The following PCDHGA8 variants were observed in gnomAD, a reference collection of about 807,000 sequenced individuals.
The protein encoded by PCDHGA8 is protocadherin gamma subfamily A, 8.
PCDHGA8 carries 45 observed loss-of-function variants against 59.2 expected under a neutral mutation model. The ratio of observed to expected loss-of-function variants is 0.76; its 90% CI spans 0.60 to 0.98. The LOEUF (loss-of-function observed/expected upper bound fraction) is 0.98, where lower values mean the gene tolerates loss of function less well. Ranked by LOEUF, PCDHGA8 falls within the 50% of genes least tolerant of loss-of-function variation. PCDHGA8 has a pLI of 0.00. For missense variants in PCDHGA8, 1,257 were observed against 1,196.2 expected (o/e 1.05, Z -0.75); for synonymous variants, 531 against 519.0 (o/e 1.02, Z -0.32).
chr5:141,439,066 G>A (rs1004595196), intron 1 of PCDHGA8, among the ~76,000 whole-genome samples: 2 of 151,258 alleles, frequency 1.3e-5, no homozygotes, highest in African/African-American at 2.4e-5. Context: ...TGTGGCAGGC[G>A]CCTGTAATCC....
At position 141,477,115 on chromosome 5, in the gene PCDHGA8, A is replaced by G. The variant is rs1218111107; in HGVS notation, c.2425-17692A>G. ...AAGACAAGGGCGCCAATCCCGAAGG[A>G]GCACATTGCAAAGTGTTGGTGGAGG... On this transcript the variant is annotated intron_variant, in intron 1 of 3. Transcript: ENST00000398604. This position sits in a 1 kb window ranked among gnomAD's most constrained non-coding sequence, Gnocchi z 4.9. 1 of 1,614,230 alleles carries G rather than the reference A, an allele frequency of 6.2e-7. No homozygotes were observed. Among genetic ancestry groups the G allele is most frequent in the South Asian group, 1.1e-5 (1 of 91,090 alleles).
At chr5:141,419,297 G>A (rs1460451634) in intron 1 of PCDHGA8, 1 of 1,614,048 alleles carries the variant, frequency 6.2e-7, no homozygotes, top group Admixed American at 1.7e-5. Context: ...CTCTGACCCA[G>A]ACTTCGGGCT....
intron 1 of PCDHGA8, among the ~76,000 whole-genome samples, chr5:141,444,838 T>G (rs2098448876): frequency 6.6e-6 from 1 of 152,214 alleles, no homozygotes; most frequent in African/African-American, 2.4e-5. Context: ...AGCTTTATAG[T>G]AAGTCTTGCT....
intron 1 of PCDHGA8, chr5:141,415,899 G>A (rs1224954481): frequency 1.2e-6 from 1 of 869,552 alleles, no homozygotes; most frequent in Non-Finnish European, 1.6e-6. Flanking sequence ...TCCTAAGACA[G>A]ACTTCCATAC....
rs773944794 is a variant in PCDHGA8 at position 141,477,003 on chromosome 5, C to T, written c.2425-17804C>T. 1.2e-6 allele frequency: 2 copies of T among 1,614,214 alleles called. No homozygotes were observed. The highest frequency in any genetic ancestry group is 8.5e-7 in the Non-Finnish European group (1 of 1,180,040). On this transcript the variant is annotated intron_variant, in intron 1 of 3. Transcript: ENST00000398604. This position sits in a 1 kb window ranked among gnomAD's most constrained non-coding sequence, Gnocchi z 4.9. ...CGCGCCGGCGTGCGGCAACTATTCG[C>T]CTTAGACCTTGTAACCGGGATGCTG...
chr5:141,476,831 G>C lies in PCDHGA8; in HGVS notation c.2425-17976G>C, dbSNP rs779348525. ...TCACATCAAGGTGCTGGACGCGAAT[G>C]ACAATGCGCCTGTCTTCAACCAGTC... On this transcript the variant is annotated intron_variant, in intron 1 of 3. Transcript: ENST00000398604. This position sits in a 1 kb window ranked among gnomAD's most constrained non-coding sequence, Gnocchi z 7.6. 1 of 1,613,504 alleles carries C rather than the reference G, an allele frequency of 6.2e-7. No homozygotes were observed. Among genetic ancestry groups the C allele is most frequent in the Non-Finnish European group, 8.5e-7 (1 of 1,180,050 alleles).
In PCDHGA8 at chr5:141,432,973, G is replaced by T. The variant is rs150572360; in HGVS notation, c.2424+37736G>T. The T allele has an allele frequency of 3.7e-6, 6 of 1,614,096 alleles. 1 individual carries two copies. The highest frequency in any genetic ancestry group is 1.7e-5 in the Admixed American group (1 of 60,014). Reference sequence around the variant, plus strand: ...GCGGCTTGACAGGAGCGCCGGCGTCGCACTTTGTGGGCGTGGACGGGGTGC... The same window carrying T: ...GCGGCTTGACAGGAGCGCCGGCGTCTCACTTTGTGGGCGTGGACGGGGTGC... On this transcript the variant is annotated intron_variant, in intron 1 of 3. Coordinates refer to ENST00000398604, the MANE Select transcript of PCDHGA8 (RefSeq NM_032088.2). This position sits in a 1 kb window ranked among gnomAD's most constrained non-coding sequence, Gnocchi z 6.0.
intron 1 of PCDHGA8, chr5:141,422,532 A>G (rs752364905): frequency 6.2e-7 from 1 of 1,614,030 alleles, no homozygotes; most frequent in South Asian, 1.1e-5. Flanking sequence ...CTTTGTCTGC[A>G]GAAACTCATG....
At chr5:141,461,825 T>C (rs2099024418) in intron 1 of PCDHGA8, among the ~76,000 whole-genome samples, 1 of 151,778 alleles carries the variant, frequency 6.6e-6, no homozygotes, top group African/African-American at 2.4e-5. Context: ...AGCTAATTTT[T>C]TTTTCTTTTT....
At chr5:141,399,641 C>G in intron 1 of PCDHGA8, 1 of 1,613,852 alleles carries the variant, frequency 6.2e-7, no homozygotes, top group Non-Finnish European at 8.5e-7. Context: ...TCCATGAGCG[C>G]GCAAAGTGGG....
At chr5:141,504,696 G>T (rs2099840373) in intron 2 of PCDHGA8, among the ~76,000 whole-genome samples, 1 of 151,438 alleles carries the variant, frequency 6.6e-6, no homozygotes, top group African/African-American at 2.4e-5. Flanking sequence ...GGAGGGGCAG[G>T]TTCTTCTATG....
chr5:141,403,263 T>A, intron 1 of PCDHGA8: 1 of 1,613,872 alleles, frequency 6.2e-7, no homozygotes, highest in East Asian at 2.2e-5. Flanking sequence ...CGGTGTCTGG[T>A]GAACTTTAAA....
At position 141,477,460 on chromosome 5, in the gene PCDHGA8, C is replaced by T; in HGVS notation, c.2425-17347C>T. 6.2e-7 allele frequency: 1 copy of T among 1,614,132 alleles called. No individual in the cohort carries two copies. Among genetic ancestry groups the T allele is most frequent in the Non-Finnish European group, 8.5e-7 (1 of 1,180,020 alleles). On this transcript the variant is annotated intron_variant, in intron 1 of 3. Transcript: ENST00000398604. The surrounding 1 kb of genome is among the most constrained non-coding windows in gnomAD (Gnocchi z 4.9). ...TTACAATAGTGCGTGTTCAAGTGTC[C>T]GACATCAATGACAACCCTCCACAAT...
At chr5:141,510,860 G>A (rs1274817106) in intron 3 of PCDHGA8, 87 bp from the exon 4 acceptor site, 11 of 1,606,558 alleles carry the variant, frequency 6.8e-6, no homozygotes, top group South Asian at 4.4e-5. Context: ...GTGCTGTATA[G>A]GCATTCATTA....
intron 1 of PCDHGA8, among the ~76,000 whole-genome samples, chr5:141,439,631 A>C (rs1459977985): frequency 2.0e-5 from 3 of 152,214 alleles, no homozygotes; most frequent in Non-Finnish European, 2.9e-5. Context: ...ATCCCCAGAC[A>C]TTCCGGCTTG....
rs757410882 is a variant in PCDHGA8 at position 141,421,504 on chromosome 5, C to T, written c.2424+26267C>T. 8 of 1,614,062 alleles carry T rather than the reference C, an allele frequency of 5.0e-6. No homozygotes were observed. The highest frequency in any genetic ancestry group is 3.3e-5 in the South Asian group (3 of 91,088). ...CTTGATCACGGCAGGCAGGATAGACCGGGAGGAGCTCTGTGAGACGGTGTC... is the reference window on the plus strand; with the variant it reads ...CTTGATCACGGCAGGCAGGATAGACTGGGAGGAGCTCTGTGAGACGGTGTC... On this transcript the variant is annotated intron_variant, in intron 1 of 3. Transcript: ENST00000398604.
chr5:141,393,553 A>G lies in PCDHGA8; in HGVS notation c.740A>G (p.Tyr247Cys), dbSNP rs377510269. ...GCCCCGGTTTTTCCTCACCCGATTTACCGAGTGAAAGTCCTTGAGAACATG... is the reference window on the plus strand; with the variant it reads ...GCCCCGGTTTTTCCTCACCCGATTTGCCGAGTGAAAGTCCTTGAGAACATG... ...DNAPVFPHPI[Y>C]RVKVLENMPP... Residue 247 changes from tyrosine to cysteine, a missense_variant, in exon 1 of 4, where the codon TAC (tyrosine) becomes TGC (cysteine). Tyr to Cys is a radical substitution (Grantham distance 194). Coordinates refer to ENST00000398604, the MANE Select transcript of PCDHGA8 (RefSeq NM_032088.2). The G allele has an allele frequency of 1.2e-6, 2 of 1,613,810 alleles. No individual in the cohort carries two copies. The highest frequency in any genetic ancestry group is 2.7e-5 in the African/African-American group (2 of 74,920).
At chr5:141,428,187 C>G in intron 1 of PCDHGA8, 3 of 1,439,502 alleles carry the variant, frequency 2.1e-6, no homozygotes, top group South Asian at 1.2e-5. Flanking sequence ...GGACAGCCGC[C>G]GCTCTCTGCG....
intron 1 of PCDHGA8, among the ~76,000 whole-genome samples, chr5:141,430,322 C>G (rs1266324669): frequency 6.7e-6 from 1 of 150,364 alleles, no homozygotes; most frequent in Non-Finnish European, 1.5e-5. Flanking sequence ...AGATTAAAAT[C>G]ATTGTTTATA....
Sources: gnomAD v4.1 joint callset for allele counts (sites outside exome capture counted in the v4.1 genomes callset) on GRCh38, gnomAD v4.1.1 for gene constraint, Gnocchi (gnomAD v3.1) non-coding constraint, MANE v1.5 for transcripts, NCBI Gene and HGNC (gene_info 2026-07-23, HGNC 2026-07-21) for gene names.